Variants in LGSN observed in about 807,000 individuals in gnomAD.
LGSN encodes the protein lengsin, lens protein with glutamine synthetase domain, also known as lengsin.
In LGSN, 21 loss-of-function variants were observed where a neutral mutation model predicts 19.5. That is an observed-to-expected ratio of 1.07 (90% CI 0.76 to 1.55). The LOEUF (loss-of-function observed/expected upper bound fraction) is 1.55, where lower values mean the gene tolerates loss of function less well. Among genes scored for constraint, LGSN ranks in the 40% most tolerant of loss-of-function variants. The pLI, the probability that LGSN is intolerant of heterozygous loss-of-function variation, is 0.00. For missense variants in LGSN, 673 were observed against 608.5 expected, an observed-to-expected ratio of 1.11 and a Z score of -1.12; for synonymous variants, 257 against 215.6, an observed-to-expected ratio of 1.19 and a Z score of -1.68.
intron 1 of LGSN, among the ~76,000 whole-genome samples, chr6:63,295,636 A>G (rs1767955137): frequency 6.6e-6 from 1 of 152,238 alleles, no homozygotes; most frequent in Non-Finnish European, 1.5e-5. Context: ...AAACCATTTT[A>G]TAGCTTAAGA....
At chr6:63,502,073 T>G in the LGSN span, among the ~76,000 whole-genome samples, 1 of 152,232 alleles carries the variant, frequency 6.6e-6, no homozygotes, top group African/African-American at 2.4e-5. Context: ...ATGTTGGGAT[T>G]ACAGGCATGA....
chr6:63,315,150 A>C (rs1768789343), intron 1 of LGSN, among the ~76,000 whole-genome samples: 1 of 152,236 alleles, frequency 6.6e-6, no homozygotes, highest in Non-Finnish European at 1.5e-5. Context: ...TGCCTAGCAT[A>C]AAGTAGTAAT....
the LGSN span, among the ~76,000 whole-genome samples, chr6:63,417,490 T>C: frequency 1.6e-4 from 24 of 152,192 alleles, no homozygotes; most frequent in Non-Finnish European, 2.9e-4. Context: ...AGAATTCACT[T>C]TTTACCCTTT....
intron 1 of LGSN, among the ~76,000 whole-genome samples, chr6:63,301,223 G>A (rs1219020058): frequency 6.6e-6 from 1 of 151,998 alleles, no homozygotes. Flanking sequence ...CCTGGGAGGT[G>A]GAGGTTGCAG....
intron 2 of LGSN, among the ~76,000 whole-genome samples, chr6:63,292,533 T>C (rs948903312): frequency 6.6e-6 from 1 of 152,190 alleles, no homozygotes; most frequent in African/African-American, 2.4e-5. Flanking sequence ...CTTCAAGTCA[T>C]GCAGTAACTG....
At chr6:63,375,719 T>C in the LGSN span, among the ~76,000 whole-genome samples, 1 of 152,056 alleles carries the variant, frequency 6.6e-6, no homozygotes, top group Admixed American at 6.6e-5. Flanking sequence ...TTTTAAAGGG[T>C]CAAGATAATG....
chr6:63,501,255 G>C, the LGSN span, among the ~76,000 whole-genome samples: 3 of 151,780 alleles, frequency 2.0e-5, no homozygotes, highest in Non-Finnish European at 4.4e-5. Context: ...CCAGCTACTG[G>C]GGATGTTGAG....
chr6:63,308,963 C>T (rs894475283), intron 1 of LGSN, among the ~76,000 whole-genome samples: 4 of 152,118 alleles, frequency 2.6e-5, no homozygotes, highest in South Asian at 2.1e-4. Context: ...ATATCCGTAC[C>T]TATTAACCTT....
chr6:63,477,687 CTTTTTT>C, the LGSN span, among the ~76,000 whole-genome samples: 6 of 61,026 alleles, frequency 9.8e-5, no homozygotes, highest in African/African-American at 2.4e-4. Context: ...TTCTTTTTTT[CTTTTTT>C]TTTTTTTTTT....
the LGSN span, among the ~76,000 whole-genome samples, chr6:63,399,556 G>A: frequency 6.6e-6 from 1 of 150,854 alleles, no homozygotes. Context: ...CACCATGCCT[G>A]GCTAATTTCT....
At chr6:63,284,803 A>G (rs1389016901) in intron 3 of LGSN, among the ~76,000 whole-genome samples, 4 of 152,198 alleles carry the variant, frequency 2.6e-5, no homozygotes, top group East Asian at 1.9e-4. Flanking sequence ...TTATTTAAAA[A>G]GAGTTTTTGA....
At chr6:63,412,762 AGAAAGAAAGGAAG>A in the LGSN span, among the ~76,000 whole-genome samples, 1 of 18,120 alleles carries the variant, frequency 5.5e-5, no homozygotes, top group Admixed American at 6.3e-4. Flanking sequence ...AAAGAAAGAA[AGAAAGAAAGGAAG>A]GAAGGGAAGG....
rs201641769 is a variant in LGSN at position 63,294,962 on chromosome 6, T to A, written c.114A>T (p.Pro38=). The A allele has an allele frequency of 1.9e-4, 304 of 1,613,788 alleles. No homozygotes were observed. In the East Asian group the frequency reaches 6.0e-3, roughly 32 times the overall value. Residue 38 remains proline, a synonymous_variant, in exon 2 of 4, where the codon CCA becomes CCT. Transcript: ENST00000370657. The part of the protein sequence containing the change: ...LRRTRKKVTK[P]YVCSTEVGET... ...CTCCCACTTCAGTTGAACAAACATATGGTTTAGTGACTTTCTTCCTTGTCC... is the reference window on the plus strand; with the variant it reads ...CTCCCACTTCAGTTGAACAAACATAAGGTTTAGTGACTTTCTTCCTTGTCC...
At chr6:63,442,460 TG>T in the LGSN span, among the ~76,000 whole-genome samples, 71,369 of 151,936 alleles carry the variant, frequency 0.47, 17,905 homozygotes, top group Non-Finnish European at 0.53. Flanking sequence ...GGGTCCTGAT[TG>T]GTGCATTTAC....
rs931623176 is a variant in LGSN, at chr6:63,280,634, G to A, written c.917C>T (p.Thr306Ile). The change falls in exon 4 of 4, where the codon ACT becomes ATT. Residue 306 changes from threonine to isoleucine, a missense_variant. Coordinates refer to ENST00000370657, the MANE Select transcript of LGSN (RefSeq NM_016571.3). ...YNYIASFFIE[T>I]GFCDSGILSH... ...CAAAATCCCTGAATCACAAAATCCA[G>A]TCTCAATGAAGAAGCTGGCAATGTA... 4 of 1,613,922 alleles carry A rather than the reference G, an allele frequency of 2.5e-6. No homozygotes were observed. Among genetic ancestry groups the A allele is most frequent in the East Asian group, 2.2e-5 (1 of 44,898 alleles).
the LGSN span, chr6:63,572,609 C>T: frequency 2.4e-6 from 1 of 419,888 alleles, no homozygotes; most frequent in East Asian, 3.5e-5. Flanking sequence ...GCCGCTCCGC[C>T]ACGACCACCG....
chr6:63,444,416 T>C, the LGSN span, among the ~76,000 whole-genome samples: 2 of 152,170 alleles, frequency 1.3e-5, no homozygotes, highest in Non-Finnish European at 2.9e-5. Flanking sequence ...TGATAGATGA[T>C]TACTAATGCA....
chr6:63,474,887 CAAA>C, the LGSN span, among the ~76,000 whole-genome samples: 2 of 110,554 alleles, frequency 1.8e-5, no homozygotes, highest in Non-Finnish European at 3.6e-5. Context: ...GACTCCGTCT[CAAA>C]AAAAAAAAAA....
the LGSN span, among the ~76,000 whole-genome samples, chr6:63,368,898 G>A: frequency 6.6e-6 from 1 of 152,268 alleles, no homozygotes; most frequent in South Asian, 2.1e-4. Context: ...AAGAGAAGTT[G>A]ACCAAAAACC....
Sources: allele counts gnomAD v4.1 joint callset (sites outside exome capture counted in the v4.1 genomes callset), GRCh38; gene constraint gnomAD v4.1.1; transcripts MANE v1.5; gene names NCBI Gene and HGNC (gene_info 2026-07-23, HGNC 2026-07-21).